BMAL1: variants seen among roughly 807,000 people sequenced by gnomAD.
BMAL1 encodes the protein basic helix-loop-helix ARNT like 1.
chr11:13,284,204 ATATATGTGTATATATATATATATG>A, the BMAL1 span, among the ~76,000 whole-genome samples: 3 of 45,314 alleles, frequency 6.6e-5, no homozygotes, highest in African/African-American at 1.4e-4. Flanking sequence ...GTGTGTATAT[ATATATGTGTATATATATATATATG>A]TGTGTGTATA....
chr11:13,278,345 CGAA>C, the BMAL1 span, among the ~76,000 whole-genome samples: 1 of 152,194 alleles, frequency 6.6e-6, no homozygotes, highest in Admixed American at 6.5e-5. Context: ...GTGACTCGGC[CGAA>C]GAGGACTCCT....
At chr11:13,326,146 T>G in the BMAL1 span, among the ~76,000 whole-genome samples, 1 of 151,718 alleles carries the variant, frequency 6.6e-6, no homozygotes, top group East Asian at 1.9e-4. Flanking sequence ...GAGGTTGCAG[T>G]TGAGCCGATA....
chr11:13,352,376 A>T, the BMAL1 span, among the ~76,000 whole-genome samples: 1 of 152,188 alleles, frequency 6.6e-6, no homozygotes, highest in African/African-American at 2.4e-5. Context: ...ACGGGGTAGG[A>T]GGCCATTGTG....
At chr11:13,367,706 G>GAAAAAAAAAA in the BMAL1 span, among the ~76,000 whole-genome samples, 1 of 86,208 alleles carries the variant, frequency 1.2e-5, no homozygotes, top group Non-Finnish European at 2.2e-5. Flanking sequence ...CTCTGTCTCA[G>GAAAAAAAAAA]AAAAAAAAAA....
the BMAL1 span, among the ~76,000 whole-genome samples, chr11:13,365,890 G>A: frequency 6.6e-6 from 1 of 152,184 alleles, no homozygotes; most frequent in Admixed American, 6.5e-5. Context: ...ATCTGACAAG[G>A]GAGAAAGGTA....
chr11:13,312,808 G>A, the BMAL1 span, among the ~76,000 whole-genome samples: 1 of 152,134 alleles, frequency 6.6e-6, no homozygotes, highest in South Asian at 2.1e-4. Flanking sequence ...ATGCACCAAG[G>A]GACTTGGTAC....
chr11:13,285,025 T>A, the BMAL1 span, among the ~76,000 whole-genome samples: 1 of 152,184 alleles, frequency 6.6e-6, no homozygotes, highest in Non-Finnish European at 1.5e-5. Flanking sequence ...GGTCTTTGCT[T>A]AAATTGTTCC....
the BMAL1 span, among the ~76,000 whole-genome samples, chr11:13,355,727 G>A: frequency 2.6e-5 from 4 of 152,214 alleles, no homozygotes; most frequent in African/African-American, 7.2e-5. Flanking sequence ...TTGTCCTTCC[G>A]TGCGGCCTGC....
At chr11:13,290,340 C>T in the BMAL1 span, among the ~76,000 whole-genome samples, 3 of 152,192 alleles carry the variant, frequency 2.0e-5, no homozygotes, top group Non-Finnish European at 4.4e-5. Flanking sequence ...TGACAGGCAG[C>T]TGTGAACCAG....
chr11:13,372,100 G>A, the BMAL1 span: 22 of 1,587,924 alleles, frequency 1.4e-5, no homozygotes, highest in Admixed American at 1.4e-4. Flanking sequence ...TCCCACCATC[G>A]GCCGTGTACA....
At chr11:13,341,570 C>A in the BMAL1 span, among the ~76,000 whole-genome samples, 3 of 152,186 alleles carry the variant, frequency 2.0e-5, no homozygotes, top group Non-Finnish European at 4.4e-5. Context: ...CTCCACCCTC[C>A]CTCACACTGG....
the BMAL1 span, chr11:13,355,198 C>G: frequency 2.5e-6 from 4 of 1,606,424 alleles, no homozygotes; most frequent in Non-Finnish European, 3.4e-6. Context: ...AGGTATACCC[C>G]CTACAGCAGA....
the BMAL1 span, among the ~76,000 whole-genome samples, chr11:13,290,251 C>T: frequency 2.6e-5 from 4 of 152,278 alleles, no homozygotes; most frequent in South Asian, 2.1e-4. Context: ...ATTTCACCCC[C>T]GTAAGCCTGG....
the BMAL1 span, among the ~76,000 whole-genome samples, chr11:13,336,296 G>T: frequency 6.6e-6 from 1 of 151,924 alleles, no homozygotes; most frequent in Non-Finnish European, 1.5e-5. Context: ...CCTCCCACCT[G>T]TGCATATATA....
chr11:13,347,683 C>A, the BMAL1 span, among the ~76,000 whole-genome samples: 1 of 151,412 alleles, frequency 6.6e-6, no homozygotes, highest in Non-Finnish European at 1.5e-5. Flanking sequence ...CTCCTCTCTA[C>A]AAAAAATATA....
the BMAL1 span, among the ~76,000 whole-genome samples, chr11:13,294,978 T>C: frequency 6.6e-6 from 1 of 152,332 alleles, no homozygotes; most frequent in East Asian, 1.9e-4. Flanking sequence ...TCTTTATCAT[T>C]GCTCAGGTGA....
chr11:13,301,345 G>A, the BMAL1 span, among the ~76,000 whole-genome samples: 1 of 152,200 alleles, frequency 6.6e-6, no homozygotes, highest in African/African-American at 2.4e-5. Flanking sequence ...AAGGTTGCAA[G>A]GGCTAAAACT....
At chr11:13,372,014 C>T in the BMAL1 span, 1 of 1,086,008 alleles carries the variant, frequency 9.2e-7, no homozygotes, top group South Asian at 1.5e-5. Context: ...TCCGTCTGCC[C>T]CTTTCATTAG....
At chr11:13,386,265 C>T in the BMAL1 span, among the ~76,000 whole-genome samples, 5 of 152,164 alleles carry the variant, frequency 3.3e-5, no homozygotes, top group African/African-American at 9.7e-5. Flanking sequence ...TAACTGGTTA[C>T]ATCAGATTAT....
Sources: gnomAD v4.1 joint callset for allele counts (sites outside exome capture counted in the v4.1 genomes callset) on GRCh38, gnomAD v4.1.1 for gene constraint, MANE v1.5 for transcripts, NCBI Gene and HGNC (gene_info 2026-07-23, HGNC 2026-07-21) for gene names.